The following PLAUR variants were observed in gnomAD, a reference collection of about 807,000 sequenced individuals.
PLAUR encodes the protein plasminogen activator, urokinase receptor.
In PLAUR, 22 loss-of-function variants were observed where a neutral mutation model predicts 33.4. The ratio of observed to expected loss-of-function variants is 0.66; its 90% CI spans 0.47 to 0.94. PLAUR has a LOEUF of 0.94. Ranked by LOEUF, PLAUR falls within the 40% of genes least tolerant of loss-of-function variation. The pLI is 0.00. For synonymous variants in PLAUR, 148 were observed against 167.3 expected (o/e 0.88, Z 0.89); for missense variants, 408 against 434.7 (o/e 0.94, Z 0.55).
chr19:43,661,123 G>A (rs984682152), intron 3 of PLAUR: 9 of 152,172 alleles, frequency 5.9e-5, no homozygotes, highest in Non-Finnish European at 1.2e-4. Context: ...AATGACTTGA[G>A]GGAGATTTGT....
chr19:43,651,370 C>T (rs1452996539), intron 6 of PLAUR, among the ~76,000 whole-genome samples: 1 of 152,118 alleles, frequency 6.6e-6, no homozygotes, highest in Non-Finnish European at 1.5e-5. Flanking sequence ...AGCCACCACT[C>T]CTGGTTCTCA....
chr19:43,652,093 C>A, intron 6 of PLAUR, 132 bp downstream of exon 6: 6 of 1,499,402 alleles, frequency 4.0e-6, no homozygotes, highest in Non-Finnish European at 5.3e-6. Context: ...AATATTCACC[C>A]ACCTGAAGGA....
intron 6 of PLAUR, among the ~76,000 whole-genome samples, chr19:43,650,875 T>C (rs1461804000): frequency 6.6e-6 from 1 of 151,064 alleles, no homozygotes; most frequent in Non-Finnish European, 1.5e-5. Flanking sequence ...TCTACTAAAA[T>C]TACAAAAATA....
At chr19:43,669,919 C>T in intron 1 of PLAUR, 147 bp downstream of exon 1, 2 of 727,404 alleles carry the variant, frequency 2.7e-6, no homozygotes, top group African/African-American at 1.8e-5. Context: ...CGCCGCGTGG[C>T]GTTGCACAAA....
intron 6 of PLAUR, among the ~76,000 whole-genome samples, chr19:43,650,016 TTG>T (rs1385862391): frequency 6.0e-5 from 8 of 133,224 alleles, no homozygotes; most frequent in East Asian, 4.2e-4. Flanking sequence ...CGCTTTTTTT[TTG>T]TTTTTTTTTT....
downstream of PLAUR, among the ~76,000 whole-genome samples, chr19:43,646,712 G>T (rs75913969): frequency 0.066 from 10,052 of 151,822 alleles, 399 homozygotes; most frequent in Middle Eastern, 0.2. Flanking sequence ...ACAGTGACAG[G>T]TGGTGATATG....
chr19:43,662,338 A>T, intron 3 of PLAUR, among the ~76,000 whole-genome samples: 1 of 152,022 alleles, frequency 6.6e-6, no homozygotes, highest in Non-Finnish European at 1.5e-5. Flanking sequence ...TCTACTAAAA[A>T]TTCAAAAAAA....
chr19:43,665,310 A>C lies in PLAUR; in HGVS notation c.310+6T>G. The C allele has an allele frequency of 6.2e-7, 1 of 1,613,618 alleles. No homozygotes were observed. Among genetic ancestry groups the C allele is most frequent in the Non-Finnish European group, 8.5e-7 (1 of 1,179,792 alleles). ...GGTTGGGGATGGCAAGGGCTGCCCT[A>C]CTCACCAGAGTTGCCCTGGTTGCAC... On this transcript the variant is annotated splice_donor_region_variant and intron_variant, in intron 3 of 6. Transcript: ENST00000340093.
chr19:43,660,636 C>G (rs968109523), intron 3 of PLAUR: 3 of 151,914 alleles, frequency 2.0e-5, no homozygotes, highest in African/African-American at 4.8e-5. Context: ...CTGGTGGTCC[C>G]CTGCTCCTGG....
At chr19:43,666,885 G>A (rs906791624) in intron 2 of PLAUR, among the ~76,000 whole-genome samples, 11 of 139,072 alleles carry the variant, frequency 7.9e-5, no homozygotes, top group South Asian at 7.0e-4. Context: ...TCTCTCTTTC[G>A]TTCATTTTTT....
In PLAUR at chr19:43,648,807, C is replaced by A. The variant is rs1973871551; in HGVS notation, c.*83G>T. ...GTCGGCACACTGGCCTGAGGTCACACAGCAAGTCTGTAGGGCTGGGAGCCG... is the reference window on the plus strand; with the variant it reads ...GTCGGCACACTGGCCTGAGGTCACAAAGCAAGTCTGTAGGGCTGGGAGCCG... On this transcript the variant is annotated 3_prime_UTR_variant, in exon 7 of 7. Transcript: ENST00000340093. The A allele has an allele frequency of 6.9e-7, 1 of 1,449,282 alleles. No homozygotes were observed. The highest frequency in any genetic ancestry group is 1.4e-5 in the African/African-American group (1 of 71,752). The allele number at this position is 1,449,282 out of a possible 1,614,324, so 89.8% of individuals were successfully genotyped here.
At chr19:43,650,357 G>A (rs1199864122) in intron 6 of PLAUR, among the ~76,000 whole-genome samples, 1 of 148,552 alleles carries the variant, frequency 6.7e-6, no homozygotes, top group Admixed American at 6.8e-5. Flanking sequence ...ACAGGGTCTC[G>A]CTCTGTTGCC....
chr19:43,668,302 C>G (rs1967352926), intron 1 of PLAUR: 1 of 986,566 alleles, frequency 1.0e-6, no homozygotes. Flanking sequence ...AGTTCTGTCT[C>G]CGCCCTCCAG....
chr19:43,653,855 G>A (rs940135455), intron 5 of PLAUR, among the ~76,000 whole-genome samples: 2 of 152,046 alleles, frequency 1.3e-5, no homozygotes, highest in Non-Finnish European at 2.9e-5. Flanking sequence ...GCCGGGCGTG[G>A]TGGCTCACGC....
intron 3 of PLAUR, among the ~76,000 whole-genome samples, chr19:43,663,547 T>C (rs1472786297): frequency 2.6e-5 from 4 of 151,982 alleles, no homozygotes; most frequent in African/African-American, 7.2e-5. Flanking sequence ...TTTGGGAGGC[T>C]GAGGCGGGCA....
chr19:43,662,412 C>T (rs2146263195), intron 3 of PLAUR, among the ~76,000 whole-genome samples: 1 of 152,208 alleles, frequency 6.6e-6, no homozygotes, highest in South Asian at 2.1e-4. Context: ...GCAGGAGAAT[C>T]ACTTGAACCT....
At chr19:43,654,723 G>C (rs955768539) in intron 5 of PLAUR, among the ~76,000 whole-genome samples, 9 of 152,012 alleles carry the variant, frequency 5.9e-5, no homozygotes, top group African/African-American at 2.2e-4. Context: ...GACAGAGCGA[G>C]ACCCTGTCCC....
chr19:43,668,206 C>T, intron 1 of PLAUR: 12 of 987,302 alleles, frequency 1.2e-5, no homozygotes, highest in African/African-American at 1.7e-5. Context: ...GAGCCTCTCC[C>T]GGCCCACTAA....
intron 4 of PLAUR, 111 bp from the exon 5 acceptor site, chr19:43,655,684 T>C: frequency 1.1e-6 from 1 of 929,632 alleles, no homozygotes. Flanking sequence ...CCCTTCATCA[T>C]AAGACCCTCA....
Sources: allele counts gnomAD v4.1 joint callset (sites outside exome capture counted in the v4.1 genomes callset), GRCh38; gene constraint gnomAD v4.1.1; transcripts MANE v1.5; gene names NCBI Gene and HGNC (gene_info 2026-07-23, HGNC 2026-07-21).